SMG1: variants seen among roughly 807,000 people sequenced by gnomAD.
The protein encoded by SMG1 is SMG1 nonsense mediated mRNA decay associated PI3K related kinase.
SMG1 carries 22 observed loss-of-function variants against 419.9 expected under a neutral mutation model. That is an observed-to-expected ratio of 0.05 (90% CI 0.04 to 0.07). The LOEUF is 0.07. Ranked by LOEUF, SMG1 falls within the 10% of genes least tolerant of loss-of-function variation. SMG1 has a pLI of 1.00. For synonymous variants in SMG1, 1,538 were observed against 1,553.5 expected (o/e 0.99, Z 0.23); for missense variants, 3,185 against 4,342.0 (o/e 0.73, Z 7.49).
Position 18,809,382 on chromosome 16 carries a change from GCGTATCC to G in SMG1, c.*180_*186del. On this transcript the variant is annotated 3_prime_UTR_variant, in exon 63 of 63. Coordinates refer to ENST00000446231, the MANE Select transcript of SMG1 (RefSeq NM_015092.5). Reference sequence around the variant, plus strand: ...CTGGGGTTGCAGGCCATGGTGTTGGGCGTATCCCTGAGTGCAGCTGTCCTGCGGGATT... The same window carrying G: ...CTGGGGTTGCAGGCCATGGTGTTGGGCTGAGTGCAGCTGTCCTGCGGGATT... 1 of 592,752 alleles carries G rather than the reference GCGTATCC, an allele frequency of 1.7e-6. No individual in the cohort carries two copies. Among genetic ancestry groups the G allele is most frequent in the Admixed American group, 2.9e-5 (1 of 34,694 alleles). 36.7% of individuals were successfully genotyped at this position (592,752 alleles called of 1,614,324 possible).
At chr16:18,816,007 A>G (rs996131251) in intron 58 of SMG1, 1 of 464,418 alleles carries the variant, frequency 2.2e-6, no homozygotes, top group African/African-American at 2.0e-5. Flanking sequence ...AGAGAAAGAC[A>G]AGCTGGATAT....
intron 28 of SMG1, 89 bp downstream of exon 28, chr16:18,858,933 C>T (rs905127185): frequency 1.2e-5 from 11 of 911,880 alleles, no homozygotes; most frequent in African/African-American, 1.0e-4. Flanking sequence ...GCTACAAATC[C>T]TATTTCAAAA....
chr16:18,865,864 C>T (rs577438398), intron 23 of SMG1, among the ~76,000 whole-genome samples: 1 of 152,080 alleles, frequency 6.6e-6, no homozygotes, highest in Non-Finnish European at 1.5e-5. Flanking sequence ...CAGGGTTTCA[C>T]CATGTTAGGC....
intron 41 of SMG1, among the ~76,000 whole-genome samples, chr16:18,840,762 A>C (rs2033870707): frequency 6.6e-6 from 1 of 152,232 alleles, no homozygotes; most frequent in African/African-American, 2.4e-5. Flanking sequence ...TACAAATTTA[A>C]TTTAAAAGCA....
rs2037114865 is a variant in SMG1, at chr16:18,896,132, T to C, written c.332A>G (p.Asn111Ser). Residue 111 changes from asparagine to serine, a missense_variant, in exon 3 of 63, where the codon AAC (asparagine) becomes AGC (serine). Coordinates refer to ENST00000446231, the MANE Select transcript of SMG1 (RefSeq NM_015092.5). Reference protein sequence around the residue: ...RKSLGQELRVNNVTSPEFTSV... With the variant: ...RKSLGQELRVSNVTSPEFTSV... ...GGTGAACTCAGGGCTGGTCACATTG[T>C]TAACCCTCAGCTCTTGCCCCAACGA... The C allele has an allele frequency of 6.3e-7, 1 of 1,587,722 alleles. No homozygotes were observed. Among genetic ancestry groups the C allele is most frequent in the Non-Finnish European group, 8.6e-7 (1 of 1,157,794 alleles).
intron 1 of SMG1, among the ~76,000 whole-genome samples, chr16:18,917,345 G>GT (rs1050357707): frequency 6.6e-6 from 1 of 151,712 alleles, no homozygotes; most frequent in Non-Finnish European, 1.5e-5. Flanking sequence ...TAGACATGGG[G>GT]TTTCTCCATG....
intron 33 of SMG1, 44 bp from the exon 34 acceptor site, chr16:18,850,511 G>A: frequency 1.5e-6 from 2 of 1,350,348 alleles, no homozygotes; most frequent in South Asian, 1.2e-5. Context: ...AATACAAACT[G>A]AAAAGGGAAA....
intron 41 of SMG1, 28 bp downstream of exon 41, chr16:18,841,537 A>G (rs1283278301): frequency 6.3e-7 from 1 of 1,580,462 alleles, no homozygotes; most frequent in African/African-American, 1.3e-5. Flanking sequence ...AGAATAGACT[A>G]ATACACTGTG....
At chr16:18,896,643 C>A (rs2037139936) in intron 2 of SMG1, 150 bp downstream of exon 2, 2 of 582,524 alleles carry the variant, frequency 3.4e-6, no homozygotes. Flanking sequence ...GGATAAATGT[C>A]CTATGAGGTT....
intron 28 of SMG1, 168 bp from the exon 29 acceptor site, chr16:18,858,458 C>G (rs1461550151): frequency 2.4e-6 from 1 of 418,956 alleles, no homozygotes. Flanking sequence ...CTTCTACTCA[C>G]AAGAGGCAAG....
intron 3 of SMG1, among the ~76,000 whole-genome samples, chr16:18,895,690 GA>G (rs200072583): frequency 6.2e-4 from 82 of 132,264 alleles, no homozygotes; most frequent in Admixed American, 7.7e-4. Context: ...ACTTAAAAGA[GA>G]AAAAAAAAAA....
At chr16:18,921,595 C>A (rs1436188958) in intron 1 of SMG1, among the ~76,000 whole-genome samples, 5 of 151,854 alleles carry the variant, frequency 3.3e-5, no homozygotes, top group Admixed American at 6.6e-5. Context: ...CGGTTTTTGC[C>A]AAAACCGCAA....
At chr16:18,925,665 C>CCCCCCG in intron 1 of SMG1, 1 of 227,184 alleles carries the variant, frequency 4.4e-6, no homozygotes, top group Non-Finnish European at 8.6e-6. Flanking sequence ...CCCCCACCCC[C>CCCCCCG]GCCTCTTTCT....
chr16:18,885,202 G>A lies in SMG1; in HGVS notation c.949-40C>T, dbSNP rs1285404965. 1.6e-5 allele frequency: 11 copies of A among 670,676 alleles called. No individual in the cohort carries two copies. In the African/African-American group the frequency reaches 2.0e-4, roughly 12 times the overall value. 41.5% of individuals were successfully genotyped at this position (670,676 alleles called of 1,614,324 possible). A position where few individuals can be genotyped will look rare whatever the true frequency, so the allele number is the denominator to read the frequency against. ...AGAGAGAGGGGGCCAATCATTTTAA[G>A]ATATTACTGCCATTCACCTGTGGAC... On this transcript the variant is annotated intron_variant, in intron 7 of 62. Coordinates refer to ENST00000446231, the MANE Select transcript of SMG1 (RefSeq NM_015092.5).
chr16:18,837,679 C>G (rs564844135), intron 45 of SMG1, among the ~76,000 whole-genome samples: 3 of 152,186 alleles, frequency 2.0e-5, no homozygotes, highest in Non-Finnish European at 4.4e-5. Context: ...CAGAACAAGA[C>G]TGGCATCCCT....
At chr16:18,870,052 T>C (rs2035732432) in intron 18 of SMG1, 58 bp from the exon 19 acceptor site, 1 of 1,144,696 alleles carries the variant, frequency 8.7e-7, no homozygotes, top group African/African-American at 1.6e-5. Context: ...GGTTAGCACA[T>C]ACTGTAAGTG....
intron 1 of SMG1, among the ~76,000 whole-genome samples, chr16:18,908,228 C>T (rs144422278): frequency 0.015 from 2,207 of 151,816 alleles, 20 homozygotes; most frequent in Non-Finnish European, 0.021. Context: ...ATTAGGCAGG[C>T]GTGGTGGTGC....
Position 18,876,859 on chromosome 16 carries a change from C to T in SMG1, c.1620+272G>A, listed in dbSNP as rs1260890585. 2.0e-5 allele frequency among the ~76,000 whole-genome samples: 3 copies of T among 151,550 alleles called. No homozygotes were observed. The East Asian group carries it at 5.8e-4, about 29-fold the overall frequency. ...TATAAATGTGTCAACTTGTTTTACC[C>T]TTATGAAAATTTAAATTTATAATAA... On this transcript the variant is annotated intron_variant, in intron 12 of 62. Coordinates refer to ENST00000446231, the MANE Select transcript of SMG1 (RefSeq NM_015092.5).
chr16:18,882,686 A>G (rs1049831987), intron 9 of SMG1, among the ~76,000 whole-genome samples: 2 of 152,192 alleles, frequency 1.3e-5, no homozygotes, highest in Non-Finnish European at 2.9e-5. Flanking sequence ...GTTTTTGGCT[A>G]AAAATCTCAT....
Sources: allele counts gnomAD v4.1 joint callset (sites outside exome capture counted in the v4.1 genomes callset), GRCh38; gene constraint gnomAD v4.1.1; transcripts MANE v1.5; gene names NCBI Gene and HGNC (gene_info 2026-07-23, HGNC 2026-07-21).